KATNIP: variants seen among roughly 807,000 people sequenced by gnomAD.
KATNIP encodes katanin interacting protein.
A neutral mutation model predicts 174.0 loss-of-function variants in KATNIP; 126 were observed. That is an observed-to-expected ratio of 0.72 (90% CI 0.63 to 0.84). KATNIP has a LOEUF of 0.84. Among genes scored for constraint, KATNIP ranks in the 40% least tolerant of loss-of-function variants. The pLI is 0.00. For synonymous variants in KATNIP, 810 were observed against 835.7 expected, an observed-to-expected ratio of 0.97 and a Z score of 0.53; for missense variants, 1,958 against 2,109.7, an observed-to-expected ratio of 0.93 and a Z score of 1.41.
chr16:27,643,614 A>AAC (rs2076869397), intron 5 of KATNIP, among the ~76,000 whole-genome samples: 1 of 150,756 alleles, frequency 6.6e-6, no homozygotes, highest in African/African-American at 2.4e-5. Context: ...AAAAAAAAAA[A>AAC]AAAGAACTAA....
intron 2 of KATNIP, among the ~76,000 whole-genome samples, chr16:27,589,550 G>C (rs1267769343): frequency 3.3e-5 from 5 of 152,170 alleles, no homozygotes; most frequent in African/African-American, 1.2e-4. Context: ...TCTGGAAATA[G>C]CCTCATGAGA....
At chr16:27,646,156 A>G (rs2076950858) in intron 5 of KATNIP, among the ~76,000 whole-genome samples, 6 of 152,240 alleles carry the variant, frequency 3.9e-5, no homozygotes, top group Admixed American at 3.9e-4. Context: ...TGGTGTAAGC[A>G]AAAAGGAGAA....
rs540583067 is a variant in KATNIP, at chr16:27,550,297, G to A, written c.7+120G>A. On this transcript the variant is annotated intron_variant, in intron 1 of 27. Coordinates refer to ENST00000261588, the MANE Select transcript of KATNIP (RefSeq NM_015202.5). ...GACCACCACTTCCTGACCCAAGGGGGTCTCCGAAATGAGGGATAGGGAGGC... is the reference window on the plus strand; with the variant it reads ...GACCACCACTTCCTGACCCAAGGGGATCTCCGAAATGAGGGATAGGGAGGC... 1.2e-4 allele frequency: 139 copies of A among 1,178,238 alleles called. No homozygotes were observed. The African/African-American group carries it at 1.9e-3, about 16-fold the overall frequency. The allele number at this position is 1,178,238 out of a possible 1,614,324, so 73.0% of individuals were successfully genotyped here.
Position 27,749,689 on chromosome 16 carries a change from A to G in KATNIP, c.2729A>G (p.His910Arg), listed in dbSNP as rs775601065. The G allele has an allele frequency of 6.2e-7, 1 of 1,613,260 alleles. No homozygotes were observed. Among genetic ancestry groups the G allele is most frequent in the East Asian group, 2.2e-5 (1 of 44,874 alleles). The change falls in exon 16 of 28, where the codon CAC becomes CGC. Residue 910 changes from histidine (H) to arginine (R), a missense_variant. This residue lies in a region of KATNIP where 1,557 missense variants were observed against 1,617.8 expected (regional missense o/e 0.96). Coordinates refer to ENST00000261588, the MANE Select transcript of KATNIP (RefSeq NM_015202.5). ...WSSLSAFDRS[H>R]RGRISNTELP... The stretch of plus-strand genomic sequence containing the variant: ...TCCCTCAGTGCCTTCGACCGCTCCC[A>G]CCGGGGACGCATCTCCAACACGGAG...
At chr16:27,774,151 A>T (rs1357395318) in intron 23 of KATNIP, among the ~76,000 whole-genome samples, 1 of 152,058 alleles carries the variant, frequency 6.6e-6, no homozygotes, top group African/African-American at 2.4e-5. Context: ...GGCAAGTCGA[A>T]CCCCAAAGCC....
intron 15 of KATNIP, among the ~76,000 whole-genome samples, chr16:27,745,576 A>G (rs571335496): frequency 1.3e-5 from 2 of 152,338 alleles, no homozygotes; most frequent in East Asian, 3.9e-4. Flanking sequence ...TGGAATAAAC[A>G]TGGCTCTGTG....
intron 3 of KATNIP, among the ~76,000 whole-genome samples, chr16:27,624,064 T>G (rs370403547): frequency 1.4e-4 from 22 of 152,070 alleles, no homozygotes; most frequent in East Asian, 9.7e-4. Flanking sequence ...GGGTTAAAGC[T>G]CTGGCTCAGA....
chr16:27,774,394 T>C (rs1189495606), intron 23 of KATNIP, among the ~76,000 whole-genome samples: 2 of 152,156 alleles, frequency 1.3e-5, no homozygotes, highest in African/African-American at 2.4e-5. Flanking sequence ...ATTTTACAGA[T>C]GGGAAAACAG....
intron 12 of KATNIP, among the ~76,000 whole-genome samples, chr16:27,705,103 T>G (rs1567323917): frequency 6.6e-6 from 1 of 151,614 alleles, no homozygotes; most frequent in Non-Finnish European, 1.5e-5. Context: ...TAGAGATGGG[T>G]TTTTGCCATG....
intron 2 of KATNIP, among the ~76,000 whole-genome samples, chr16:27,612,527 G>A (rs1436794506): frequency 2.6e-5 from 4 of 152,160 alleles, no homozygotes. Flanking sequence ...GGGAGGCCGA[G>A]GCAGGTGGAT....
At chr16:27,692,401 G>A (rs2078766008) in intron 8 of KATNIP, among the ~76,000 whole-genome samples, 1 of 152,170 alleles carries the variant, frequency 6.6e-6, no homozygotes, top group Admixed American at 6.5e-5. Flanking sequence ...CATCCATTTA[G>A]CAAAAATTAT....
chr16:27,697,575 A>ATATATATAATTATATAAAAAT (rs1289365913), intron 8 of KATNIP, among the ~76,000 whole-genome samples: 2 of 149,678 alleles, frequency 1.3e-5, no homozygotes, highest in South Asian at 2.1e-4. Flanking sequence ...TATTCTATGT[A>ATATATATAATTATATAAAAAT]TATATATAAT....
intron 6 of KATNIP, among the ~76,000 whole-genome samples, chr16:27,659,611 T>C (rs975436889): frequency 3.3e-5 from 5 of 152,284 alleles, no homozygotes; most frequent in Admixed American, 1.3e-4. Context: ...TATGTACCCA[T>C]CCTATTTGGT....
At chr16:27,745,320 T>C (rs2081250354) in intron 15 of KATNIP, among the ~76,000 whole-genome samples, 1 of 152,246 alleles carries the variant, frequency 6.6e-6, no homozygotes, top group South Asian at 2.1e-4. Context: ...TTCTGGGCCC[T>C]ACCTCTTCTT....
Position 27,757,861 on chromosome 16 carries a change from T to C in KATNIP, c.3632-3552T>C, listed in dbSNP as rs371241949. 7.7e-4 allele frequency among the ~76,000 whole-genome samples: 118 copies of C among 152,308 alleles called. 1 individual carries two copies. Among genetic ancestry groups the C allele is most frequent in the African/African-American group, 2.8e-3 (115 of 41,564 alleles). On this transcript the variant is annotated intron_variant, in intron 18 of 27. Coordinates refer to ENST00000261588, the MANE Select transcript of KATNIP (RefSeq NM_015202.5). ...TGGTAAATACGGCCAATCCTATTAA[T>C]GTTTTGAAAGGGGATATATGACTTG...
chr16:27,630,897 G>A (rs1483514031), intron 4 of KATNIP, among the ~76,000 whole-genome samples, 168 bp from the exon 5 acceptor site: 1 of 152,074 alleles, frequency 6.6e-6, no homozygotes, highest in Non-Finnish European at 1.5e-5. Flanking sequence ...TCAACATTTA[G>A]CTTGTTTTCT....
At chr16:27,719,352 G>C (rs909067995) in intron 13 of KATNIP, among the ~76,000 whole-genome samples, 5 of 152,106 alleles carry the variant, frequency 3.3e-5, no homozygotes, top group African/African-American at 1.2e-4. Context: ...AAATCTGGCT[G>C]TTTGGAGAAA....
At chr16:27,642,097 A>G (rs1300688590) in intron 5 of KATNIP, among the ~76,000 whole-genome samples, 1 of 152,246 alleles carries the variant, frequency 6.6e-6, no homozygotes, top group East Asian at 1.9e-4. Context: ...TTGCGGCACT[A>G]TTCACAATAG....
intron 2 of KATNIP, 150 bp downstream of exon 2, chr16:27,574,106 A>G: frequency 1.5e-6 from 1 of 646,974 alleles, no homozygotes; most frequent in Non-Finnish European, 2.8e-6. Flanking sequence ...GAGCAACTAG[A>G]CTTACCAACC....
Sources: allele counts gnomAD v4.1 joint callset (sites outside exome capture counted in the v4.1 genomes callset), GRCh38; gene constraint gnomAD v4.1.1; regional missense constraint gnomAD v4.1.1; transcripts MANE v1.5; gene names NCBI Gene and HGNC (gene_info 2026-07-23, HGNC 2026-07-21).